FILIP1L: variants seen among roughly 807,000 people sequenced by gnomAD.
FILIP1L encodes filamin A interacting protein 1 like.
In FILIP1L, 55 loss-of-function variants were observed where a neutral mutation model predicts 96.6. The ratio of observed to expected loss-of-function variants is 0.57; its 90% CI spans 0.46 to 0.71. FILIP1L has a LOEUF of 0.71. Among genes scored for constraint, FILIP1L ranks in the 30% least tolerant of loss-of-function variants. The pLI is 0.00. For missense variants in FILIP1L, 1,304 were observed against 1,321.2 expected, an observed-to-expected ratio of 0.99 and a Z score of 0.20; for synonymous variants, 467 against 473.9, an observed-to-expected ratio of 0.99 and a Z score of 0.19.
intron 4 of FILIP1L, among the ~76,000 whole-genome samples, chr3:99,852,252 G>C (rs751983391): frequency 2.0e-5 from 3 of 152,076 alleles, no homozygotes; most frequent in Non-Finnish European, 4.4e-5. Flanking sequence ...GAATCCCTAA[G>C]GAATTGAACC....
At chr3:100,020,760 C>CTTTTTTTTTTTTTTTT in intron 1 of FILIP1L, among the ~76,000 whole-genome samples, 1 of 70,994 alleles carries the variant, frequency 1.4e-5, no homozygotes, top group Non-Finnish European at 2.4e-5. Flanking sequence ...GAATAATTAG[C>CTTTTTTTTTTTTTTTT]TTTTTTTTTT....
chr3:99,990,379 G>A (rs1709476964), intron 1 of FILIP1L, among the ~76,000 whole-genome samples: 1 of 152,214 alleles, frequency 6.6e-6, no homozygotes, highest in Non-Finnish European at 1.5e-5. Flanking sequence ...TCTATTCACA[G>A]CTTACATTGA....
chr3:99,886,946 G>A (rs1405613104), intron 4 of FILIP1L, among the ~76,000 whole-genome samples: 1 of 148,138 alleles, frequency 6.8e-6, no homozygotes, highest in Non-Finnish European at 1.5e-5. Context: ...CTCCAGCCTG[G>A]GCAGCAGAGG....
chr3:100,109,838 A>T (rs561671685), intron 1 of FILIP1L: 1 of 151,918 alleles, frequency 6.6e-6, no homozygotes, highest in Non-Finnish European at 1.5e-5. Context: ...AAAAGCATCA[A>T]ACTCAGGAAT....
rs1484207138 is a variant in FILIP1L, at chr3:99,988,339, TCCAAAAA to T, written c.-10-57316_-10-57310del. Among the ~76,000 whole-genome samples the T allele has an allele frequency of 3.7e-3, 106 of 28,348 alleles. 3 individuals carry two copies. The South Asian group carries it at 0.044, about 12-fold the overall frequency. The allele number at this position is 28,348 out of a possible 152,430, so 18.6% of individuals were successfully genotyped here. A position where few individuals can be genotyped will look rare whatever the true frequency, so the allele number is the denominator to read the frequency against. Reference sequence around the variant, plus strand: ...GACAAAACCCCACCTCTACTAAAAATCCAAAAAAAAAAAAAAAAAAAAAATTAGCCAG... The same window carrying T: ...GACAAAACCCCACCTCTACTAAAAATAAAAAAAAAAAAAAAAATTAGCCAG... On this transcript the variant is annotated intron_variant, in intron 1 of 5. Coordinates refer to ENST00000477258, the MANE Select transcript of FILIP1L (RefSeq NM_001387850.1).
At chr3:100,079,791 A>T (rs1015077880) in intron 1 of FILIP1L, among the ~76,000 whole-genome samples, 1 of 152,086 alleles carries the variant, frequency 6.6e-6, no homozygotes, top group Non-Finnish European at 1.5e-5. Context: ...TACAATTTCT[A>T]TGCCTCATTA....
chr3:99,882,280 T>C (rs6762809), intron 4 of FILIP1L, among the ~76,000 whole-genome samples: 1,760 of 152,326 alleles, frequency 0.012, 18 homozygotes, highest in African/African-American at 0.026. Flanking sequence ...TTTATGTAGT[T>C]AATTGCTTGA....
chr3:99,849,241 T>G lies in FILIP1L; in HGVS notation c.2435A>C (p.Tyr812Ser), dbSNP rs1391673854. The G allele has an allele frequency of 6.2e-7, 1 of 1,614,022 alleles. No individual in the cohort carries two copies. The highest frequency in any genetic ancestry group is 1.3e-5 in the African/African-American group (1 of 74,944). ...ACGTTCCAGAGGAATGAGGCTCTTG[T>G]AATCAGGTGGTTCATTGTCTACTGC... Reference protein sequence around the residue: ...TEAVDNEPPDYKSLIPLERAV... With the variant: ...TEAVDNEPPDSKSLIPLERAV... Residue 812 changes from tyrosine (Y) to serine (S), a missense_variant, in exon 5 of 6, where the codon TAC (tyrosine) becomes TCC (serine). By Grantham distance (144) the Tyr-to-Ser change is moderately radical. Transcript: ENST00000477258.
At chr3:99,980,311 C>G (rs1475851481) in intron 1 of FILIP1L, among the ~76,000 whole-genome samples, 1 of 152,104 alleles carries the variant, frequency 6.6e-6, no homozygotes, top group East Asian at 1.9e-4. Context: ...CTCTGTATCT[C>G]AGTTTGCTCA....
intron 1 of FILIP1L, among the ~76,000 whole-genome samples, chr3:100,046,687 A>G (rs750612185): frequency 1.3e-5 from 2 of 152,166 alleles, no homozygotes; most frequent in Non-Finnish European, 2.9e-5. Context: ...GCTCCAGGTA[A>G]TAGAAATAAG....
chr3:100,098,244 G>A (rs1251598331), intron 1 of FILIP1L, among the ~76,000 whole-genome samples: 3 of 152,200 alleles, frequency 2.0e-5, no homozygotes, highest in Admixed American at 6.5e-5. Flanking sequence ...ACCTGTATTG[G>A]TGATGATAAG....
intron 1 of FILIP1L, among the ~76,000 whole-genome samples, chr3:99,975,971 G>A (rs569493635): frequency 5.5e-4 from 84 of 152,244 alleles, no homozygotes; most frequent in African/African-American, 2.0e-3. Context: ...TGCAACCTCC[G>A]CCTCCTGGGT....
chr3:99,934,333 G>T (rs1403757418), intron 1 of FILIP1L, among the ~76,000 whole-genome samples: 1 of 152,210 alleles, frequency 6.6e-6, no homozygotes, highest in Non-Finnish European at 1.5e-5. Flanking sequence ...TCAGATTTCT[G>T]TGAAAATCTA....
At chr3:100,062,226 C>T (rs1039906662) in intron 1 of FILIP1L, among the ~76,000 whole-genome samples, 1 of 150,000 alleles carries the variant, frequency 6.7e-6, no homozygotes, top group Non-Finnish European at 1.5e-5. Flanking sequence ...ATTCTCCTGC[C>T]TCAGCTGCCC....
intron 1 of FILIP1L, among the ~76,000 whole-genome samples, chr3:99,999,267 G>T (rs1368350422): frequency 6.6e-6 from 1 of 152,172 alleles, no homozygotes; most frequent in South Asian, 2.1e-4. Context: ...AGGAAAAAGA[G>T]GGGCACTGTC....
At chr3:100,037,812 T>A (rs1235366325) in intron 1 of FILIP1L, among the ~76,000 whole-genome samples, 3 of 152,168 alleles carry the variant, frequency 2.0e-5, no homozygotes, top group Non-Finnish European at 4.4e-5. Flanking sequence ...TAACTTGACC[T>A]CCAGTACAGA....
At chr3:99,954,122 T>C (rs1576597863) in intron 1 of FILIP1L, among the ~76,000 whole-genome samples, 1 of 152,382 alleles carries the variant, frequency 6.6e-6, no homozygotes, top group East Asian at 1.9e-4. Context: ...TCATCTCACT[T>C]AACACTTCAG....
chr3:100,058,816 A>G (rs1039469340), intron 1 of FILIP1L, among the ~76,000 whole-genome samples: 2 of 152,214 alleles, frequency 1.3e-5, no homozygotes, highest in African/African-American at 4.8e-5. Flanking sequence ...TTCTGGAGCC[A>G]CAGTTTCATA....
chr3:99,876,148 CG>C, intron 4 of FILIP1L: 7 of 986,142 alleles, frequency 7.1e-6, no homozygotes, highest in Non-Finnish European at 8.4e-6. Flanking sequence ...CGACTGTGCG[CG>C]CTCCGAGAGT....
Sources: allele counts gnomAD v4.1 joint callset (sites outside exome capture counted in the v4.1 genomes callset), GRCh38; gene constraint gnomAD v4.1.1; transcripts MANE v1.5; gene names NCBI Gene and HGNC (gene_info 2026-07-23, HGNC 2026-07-21).